The following EP400 variants were observed in gnomAD, a reference collection of about 807,000 sequenced individuals.
EP400 encodes E1A-binding protein p400.
EP400 carries 105 observed loss-of-function variants against 354.1 expected under a neutral mutation model. The observed-to-expected ratio is 0.30, with a 90% CI of 0.25 to 0.35. The LOEUF (loss-of-function observed/expected upper bound fraction) is 0.35. EP400 is among the 10% of genes least tolerant of loss of function. The pLI, the probability that EP400 is intolerant of heterozygous loss-of-function variation, is 1.00. For synonymous variants in EP400, 1,646 were observed against 1,716.9 expected (o/e 0.96, Z 1.02); for missense variants, 3,280 against 4,121.0 (o/e 0.80, Z 5.59).
At chr12:131,970,542 A>G (rs1171525647) in intron 2 of EP400, among the ~76,000 whole-genome samples, 1 of 152,192 alleles carries the variant, frequency 6.6e-6, no homozygotes, top group Non-Finnish European at 1.5e-5. Flanking sequence ...ATTGGAAAGA[A>G]CCAGATTGTC....
Position 132,011,756 on chromosome 12 carries a change from G to T in EP400, c.3441+122G>T, listed in dbSNP as rs536794084. 8.4e-5 allele frequency: 103 copies of T among 1,224,184 alleles called. 1 individual carries two copies. In the South Asian group the frequency reaches 1.5e-3, roughly 18 times the overall value. 75.8% of individuals were successfully genotyped at this position (1,224,184 alleles called of 1,614,324 possible). A position where few individuals can be genotyped will look rare whatever the true frequency, so the allele number is the denominator to read the frequency against. Reference sequence around the variant, plus strand: ...GAATTATTAAAGATCACTCATTCATGAGTTAACAGACCTTTATGTTGTTCC... The same window carrying T: ...GAATTATTAAAGATCACTCATTCATTAGTTAACAGACCTTTATGTTGTTCC... On this transcript the variant is annotated intron_variant, in intron 16 of 52. Coordinates refer to ENST00000389561, the MANE Select transcript of EP400 (RefSeq NM_015409.5).
Position 132,067,109 on chromosome 12 carries a change from C to A in EP400, c.8749+140C>A. On this transcript the variant is annotated intron_variant, in intron 49 of 52. Coordinates refer to ENST00000389561, the MANE Select transcript of EP400 (RefSeq NM_015409.5). The surrounding 1 kb of genome is among the most constrained non-coding windows in gnomAD (Gnocchi z 5.3). ...GTGCCATCACGTGTTCTAGCACAAACGTGCCTTGGCGCTTTCCAGGCGCAA... is the reference window on the plus strand; with the variant it reads ...GTGCCATCACGTGTTCTAGCACAAAAGTGCCTTGGCGCTTTCCAGGCGCAA... 1.7e-6 allele frequency: 2 copies of A among 1,208,510 alleles called. No homozygotes were observed. Among genetic ancestry groups the A allele is most frequent in the Non-Finnish European group, 1.1e-6 (1 of 895,444 alleles). The allele number at this position is 1,208,510 out of a possible 1,614,324, so 74.9% of individuals were successfully genotyped here.
intron 11 of EP400, among the ~76,000 whole-genome samples, chr12:131,993,040 C>T (rs995369512): frequency 6.6e-6 from 1 of 152,214 alleles, no homozygotes; most frequent in East Asian, 1.9e-4. Context: ...AGAAACAAAA[C>T]AACAGTGTGG....
At chr12:131,993,697 A>G (rs1893116453) in intron 11 of EP400, among the ~76,000 whole-genome samples, 1 of 152,232 alleles carries the variant, frequency 6.6e-6, no homozygotes, top group Non-Finnish European at 1.5e-5. Context: ...GCCTCCGGCT[A>G]CAAACCTGCA....
chr12:131,952,381 C>T (rs1204480934), intron 1 of EP400, among the ~76,000 whole-genome samples: 1 of 151,634 alleles, frequency 6.6e-6, no homozygotes, highest in Non-Finnish European at 1.5e-5. Context: ...CTCCTGATCT[C>T]AGTGATCCAC....
chr12:131,972,258 T>C (rs1269820819), intron 2 of EP400, among the ~76,000 whole-genome samples: 2 of 151,990 alleles, frequency 1.3e-5, no homozygotes, highest in Non-Finnish European at 2.9e-5. Flanking sequence ...GTTCACGCCA[T>C]TCTCCTGCCT....
intron 32 of EP400, among the ~76,000 whole-genome samples, chr12:132,042,576 C>T (rs1212616736): frequency 6.6e-6 from 1 of 152,166 alleles, no homozygotes; most frequent in Non-Finnish European, 1.5e-5. Flanking sequence ...TTCTGTGTAT[C>T]GTGTCAAAGT....
At chr12:131,950,740 G>A (rs1891445571) in intron 1 of EP400, among the ~76,000 whole-genome samples, 1 of 152,202 alleles carries the variant, frequency 6.6e-6, no homozygotes, top group Admixed American at 6.5e-5. Flanking sequence ...GAAAAGTAAC[G>A]TATCCCAGTG....
chr12:132,052,437 G>A lies in EP400; in HGVS notation c.7395-709G>A, dbSNP rs577042059. Among the ~76,000 whole-genome samples, 20 of 152,256 alleles carry A rather than the reference G, an allele frequency of 1.3e-4. No individual in the cohort carries two copies. The highest frequency in any genetic ancestry group is 2.5e-4 in the Non-Finnish European group (17 of 68,048). On this transcript the variant is annotated intron_variant, in intron 41 of 52. Transcript: ENST00000389561. This position sits in a 1 kb window ranked among gnomAD's most constrained non-coding sequence, Gnocchi z 4.4. ...CTTTCAGCCCCTTGGTGCTCCCTGA[G>A]TGTGCTGGCAGCCGCGCCCCAGCCC...
chr12:132,035,633 C>T (rs1894669714), intron 30 of EP400, among the ~76,000 whole-genome samples: 1 of 150,744 alleles, frequency 6.6e-6, no homozygotes. Flanking sequence ...AGGGCACACC[C>T]AGGTTCACAC....
Position 131,951,745 on chromosome 12 carries a change from G to GCTGGGATTACA in EP400, c.-36+1709_-36+1710insCTGGGATTACA, listed in dbSNP as rs1891506371. On this transcript the variant is annotated intron_variant, in intron 1 of 52. Coordinates refer to ENST00000389561, the MANE Select transcript of EP400 (RefSeq NM_015409.5). Reference sequence around the variant, plus strand: ...GCATCCCGAGTAGCTGGGATTACAGGTGCCTGCCATCATGCCCAGCTAATT... The same window carrying GCTGGGATTACA: ...GCATCCCGAGTAGCTGGGATTACAGGCTGGGATTACATGCCTGCCATCATGCCCAGCTAATT... 5.9e-5 allele frequency among the ~76,000 whole-genome samples: 9 copies of GCTGGGATTACA among 152,008 alleles called. No individual in the cohort carries two copies. The South Asian group carries it at 1.9e-3, about 32-fold the overall frequency.
At chr12:131,957,725 A>G (rs1419743768) in intron 1 of EP400, among the ~76,000 whole-genome samples, 1 of 151,892 alleles carries the variant, frequency 6.6e-6, no homozygotes, top group Non-Finnish European at 1.5e-5. Flanking sequence ...CCTCCCAAGT[A>G]GCTGGGATTA....
chr12:132,017,165 C>G lies in EP400; in HGVS notation c.3924-370C>G, dbSNP rs894723011. Among the ~76,000 whole-genome samples, 3 of 148,976 alleles carry G rather than the reference C, an allele frequency of 2.0e-5. No homozygotes were observed. Among genetic ancestry groups the G allele is most frequent in the African/African-American group, 7.8e-5 (3 of 38,540 alleles). On this transcript the variant is annotated intron_variant, in intron 19 of 52. Coordinates refer to ENST00000389561, the MANE Select transcript of EP400 (RefSeq NM_015409.5). The surrounding 1 kb of genome is among the most constrained non-coding windows in gnomAD (Gnocchi z 5.0). ...GCAGGGCCAGTGTAGGACCAGGCGTCAGAGCTGCCGAGCGGGTGTGTGAGG... is the reference window on the plus strand; with the variant it reads ...GCAGGGCCAGTGTAGGACCAGGCGTGAGAGCTGCCGAGCGGGTGTGTGAGG...
chr12:131,987,252 G>A (rs1307812365), intron 6 of EP400, among the ~76,000 whole-genome samples: 1 of 152,158 alleles, frequency 6.6e-6, no homozygotes, highest in African/African-American at 2.4e-5. Context: ...AAAGAAATGT[G>A]TATCAAAATA....
At position 131,986,611 on chromosome 12, in the gene EP400, C is replaced by G. The variant is rs779418576; in HGVS notation, c.2027C>G (p.Ser676Cys). 1.2e-6 allele frequency: 2 copies of G among 1,613,944 alleles called. No individual in the cohort carries two copies. The highest frequency in any genetic ancestry group is 1.3e-5 in the African/African-American group (1 of 74,904). Reference sequence around the variant, plus strand: ...TCGTCCCTCGCGCCTGTGAGTGGCTCCGGCCCAGGACCCTCCCCTGCTCGA... The same window carrying G: ...TCGTCCCTCGCGCCTGTGAGTGGCTGCGGCCCAGGACCCTCCCCTGCTCGA... Reference protein sequence around the residue: ...STSSLAPVSGSGPGPSPARSS... With the variant: ...STSSLAPVSGCGPGPSPARSS... The change falls in exon 6 of 53, where the codon TCC becomes TGC. Residue 676 changes from serine to cysteine, a missense_variant. Physicochemically the swap from Ser to Cys is moderately radical, Grantham distance 112. Around this residue, in one of 20 missense-constraint regions of EP400, gnomAD observed 800 missense variants for 840.0 expected, o/e 0.95. Coordinates refer to ENST00000389561, the MANE Select transcript of EP400 (RefSeq NM_015409.5).
chr12:132,039,592 C>G (rs73482106), intron 32 of EP400, among the ~76,000 whole-genome samples: 4,254 of 152,288 alleles, frequency 0.028, 199 homozygotes, highest in African/African-American at 0.096. Flanking sequence ...GCCACCACCC[C>G]GTTTCTCACA....
intron 1 of EP400, among the ~76,000 whole-genome samples, chr12:131,952,761 T>C (rs1891556853): frequency 6.6e-6 from 1 of 152,192 alleles, no homozygotes; most frequent in Non-Finnish European, 1.5e-5. Flanking sequence ...CTGTTTCTTT[T>C]TATTGTTGAG....
In EP400 at chr12:131,990,119, T is replaced by C. The variant is rs1406972200; in HGVS notation, c.2550+15T>C. 6 of 1,590,938 alleles carry C rather than the reference T, an allele frequency of 3.8e-6. No homozygotes were observed. In the South Asian group the frequency reaches 5.7e-5, roughly 15 times the overall value. On this transcript the variant is annotated intron_variant, in intron 8 of 52. Coordinates refer to ENST00000389561, the MANE Select transcript of EP400 (RefSeq NM_015409.5). This position sits in a 1 kb window ranked among gnomAD's most constrained non-coding sequence, Gnocchi z 4.2. ...ATATTGAACAGGCGAGTGCTGCCGT[T>C]GTCATGGGGTCGTAAGAATCAGTCT...
At chr12:132,043,775 CAG>C in intron 34 of EP400, 47 bp downstream of exon 34, 2 of 1,510,016 alleles carry the variant, frequency 1.3e-6, no homozygotes, top group Non-Finnish European at 1.8e-6. Context: ...GCAATATTTT[CAG>C]AGTTAAGTTT....
Sources: allele counts gnomAD v4.1 joint callset (sites outside exome capture counted in the v4.1 genomes callset), GRCh38; gene constraint gnomAD v4.1.1; regional missense constraint gnomAD v4.1.1; non-coding constraint Gnocchi (gnomAD v3.1); transcripts MANE v1.5; gene names NCBI Gene and HGNC (gene_info 2026-07-23, HGNC 2026-07-21).